The following SYNE1 variants were observed in gnomAD, a reference collection of about 807,000 sequenced individuals.
SYNE1 encodes nesprin-1.
In SYNE1, 616 loss-of-function variants were observed where a neutral mutation model predicts 1,111.0. That is an observed-to-expected ratio of 0.55 (90% CI 0.52 to 0.59). The LOEUF (loss-of-function observed/expected upper bound fraction) is 0.59, where lower values mean the gene tolerates loss of function less well. Among genes scored for constraint, SYNE1 ranks in the 20% least tolerant of loss-of-function variants. The pLI is 0.00. For missense variants in SYNE1, 10,006 were observed against 10,417.0 expected (o/e 0.96, Z 1.72); for synonymous variants, 3,855 against 3,825.8 (o/e 1.01, Z -0.28).
intron 74 of SYNE1, among the ~76,000 whole-genome samples, chr6:152,341,385 A>G (rs6940741): frequency 0.051 from 7,747 of 152,344 alleles, 205 homozygotes; most frequent in African/African-American, 0.058. Context: ...TGGAAGCAGC[A>G]TATAGAGTGT....
chr6:152,341,524 T>C (rs2154007028), intron 74 of SYNE1, among the ~76,000 whole-genome samples: 1 of 152,344 alleles, frequency 6.6e-6, no homozygotes, highest in Non-Finnish European at 1.5e-5. Context: ...CTGAACGGAA[T>C]CGAATCCATG....
chr6:152,619,832 T>C, intron 3 of SYNE1, among the ~76,000 whole-genome samples: 1 of 152,040 alleles, frequency 6.6e-6, no homozygotes, highest in South Asian at 2.1e-4. Context: ...GGGAGGCTGA[T>C]TGAGGGAGGG....
rs568726661 is a variant in SYNE1, at chr6:152,205,029, G to GT, written c.23019+1138dup. Among the ~76,000 whole-genome samples, 1,168 of 152,002 alleles carry GT rather than the reference G, an allele frequency of 7.7e-3. 6 individuals are homozygous for GT. The highest frequency in any genetic ancestry group is 0.013 in the East Asian group (68 of 5,176). Reference sequence around the variant, plus strand: ...GAAACTGTGCTGTGTGCAAATAATAGTTTTTTATAGATGTCCAGTGGCATT... The same window carrying GT: ...GAAACTGTGCTGTGTGCAAATAATAGTTTTTTTATAGATGTCCAGTGGCATT... On this transcript the variant is annotated intron_variant, in intron 126 of 145. Transcript: ENST00000367255.
rs574147522 is a variant in SYNE1, at chr6:152,148,445, G to A, written c.24643-67C>T. On this transcript the variant is annotated intron_variant, in intron 136 of 145. Transcript: ENST00000367255. This position sits in a 1 kb window ranked among gnomAD's most constrained non-coding sequence, Gnocchi z 4.1. Reference sequence around the variant, plus strand: ...GACTAGCTTCTTATCTGGGCCACCTGCCTACCATGTGGGGACAATTTTTAA... The same window carrying A: ...GACTAGCTTCTTATCTGGGCCACCTACCTACCATGTGGGGACAATTTTTAA... 7 of 1,476,186 alleles carry A rather than the reference G, an allele frequency of 4.7e-6. No individual in the cohort carries two copies. The highest frequency in any genetic ancestry group is 4.2e-5 in the African/African-American group (3 of 71,994). The allele number at this position is 1,476,186 out of a possible 1,614,324, so 91.4% of individuals were successfully genotyped here.
chr6:152,626,118 C>A (rs2099685189), intron 3 of SYNE1, among the ~76,000 whole-genome samples: 1 of 152,124 alleles, frequency 6.6e-6, no homozygotes, highest in South Asian at 2.1e-4. Context: ...AACATTAAAT[C>A]ATCCATACTC....
chr6:152,340,734 G>A (rs1168230954), intron 74 of SYNE1, among the ~76,000 whole-genome samples: 1 of 152,210 alleles, frequency 6.6e-6, no homozygotes, highest in Non-Finnish European at 1.5e-5. Flanking sequence ...ATTTAAGTGT[G>A]ATGGGAAAAT....
chr6:152,345,257 A>G (rs2096610173), intron 73 of SYNE1, among the ~76,000 whole-genome samples: 1 of 152,230 alleles, frequency 6.6e-6, no homozygotes, highest in Non-Finnish European at 1.5e-5. Context: ...TATCCCTAAT[A>G]CAAAGAAAAT....
In SYNE1 at chr6:152,352,058, T is replaced by C; in HGVS notation, c.11549A>G (p.Tyr3850Cys). The C allele has an allele frequency of 6.2e-7, 1 of 1,614,220 alleles. No individual in the cohort carries two copies. The highest frequency in any genetic ancestry group is 1.1e-5 in the South Asian group (1 of 91,078). ...TTTAGATAACTGAGCTTTTTTCTCA[T>C]ATAATTCCATTTTGGGTTCTTCAGG... ...HVPEEPKMEL[Y>C]EKKAQLSKYK... is the part of the protein sequence containing the mutation. Residue 3850 changes from tyrosine (Y) to cysteine (C), a missense_variant, in exon 70 of 146, where the codon TAT becomes TGT. Physicochemically the swap from Tyr to Cys is radical, Grantham distance 194 (BLOSUM62 -2). Around this residue, in one of 7 missense-constraint regions of SYNE1, gnomAD observed 4,955 missense variants for 5,017.2 expected, o/e 0.99. Coordinates refer to ENST00000367255, the MANE Select transcript of SYNE1 (RefSeq NM_182961.4).
At chr6:152,333,616 G>A (rs1384885013) in intron 77 of SYNE1, among the ~76,000 whole-genome samples, 1 of 152,036 alleles carries the variant, frequency 6.6e-6, no homozygotes, top group African/African-American at 2.4e-5. Context: ...ATAAACAATA[G>A]ATGTTATACC....
chr6:152,293,533 T>A, intron 95 of SYNE1, 55 bp downstream of exon 95: 1 of 1,605,074 alleles, frequency 6.2e-7, no homozygotes, highest in Non-Finnish European at 8.5e-7. Flanking sequence ...GGCCAACCAG[T>A]CACAACAGTG....
chr6:152,300,577 A>G, intron 93 of SYNE1, 64 bp downstream of exon 93: 1 of 1,609,220 alleles, frequency 6.2e-7, no homozygotes, highest in Non-Finnish European at 8.5e-7. Flanking sequence ...TCTAATGGAA[A>G]CAGAGAATGG....
chr6:152,212,595 A>C (rs966551676), intron 123 of SYNE1, among the ~76,000 whole-genome samples: 1 of 152,162 alleles, frequency 6.6e-6, no homozygotes, highest in Non-Finnish European at 1.5e-5. Flanking sequence ...TAATGTACTT[A>C]CACAAGTTTT....
intron 55 of SYNE1, among the ~76,000 whole-genome samples, chr6:152,381,762 C>T (rs548169071): frequency 2.8e-4 from 42 of 152,212 alleles, no homozygotes; most frequent in African/African-American, 8.9e-4. Flanking sequence ...GTTCTGCTCA[C>T]GGTCTCTATA....
At position 152,325,116 on chromosome 6, in the gene SYNE1, C is replaced by T; in HGVS notation, c.15625G>A (p.Ala5209Thr). ...TTAAAGCCCGTCCACTCATCCACTG[C>T]ATCTTCCAGGATCTTCTCCTGGTCC... ...AQDQEKILEDAVDEWTGFNNK... is the reference protein window; with the variant it reads ...AQDQEKILEDTVDEWTGFNNK... Residue 5209 changes from alanine to threonine, a missense_variant, in exon 81 of 146, where the codon GCA becomes ACA. By Grantham distance (58) the Ala-to-Thr change is moderately conservative. This residue lies in a region of SYNE1 where 4,955 missense variants were observed against 5,017.2 expected (regional missense o/e 0.99). Coordinates refer to ENST00000367255, the MANE Select transcript of SYNE1 (RefSeq NM_182961.4). 6.2e-7 allele frequency: 1 copy of T among 1,614,218 alleles called. No homozygotes were observed. The highest frequency in any genetic ancestry group is 1.1e-5 in the South Asian group (1 of 91,082).
chr6:152,312,093 CT>C (rs1219381059), intron 87 of SYNE1, among the ~76,000 whole-genome samples: 2 of 151,922 alleles, frequency 1.3e-5, no homozygotes. Flanking sequence ...CGGCGATAGA[CT>C]TTTTTTAATG....
chr6:152,522,847 C>A (rs537740416), intron 5 of SYNE1, among the ~76,000 whole-genome samples: 3 of 151,824 alleles, frequency 2.0e-5, no homozygotes, highest in South Asian at 4.2e-4. Context: ...TTATTTGTAT[C>A]TTGTTTTGAG....
chr6:152,387,496 A>T, intron 53 of SYNE1, 115 bp from the exon 54 acceptor site: 1 of 1,101,392 alleles, frequency 9.1e-7, no homozygotes, highest in Non-Finnish European at 1.3e-6. Context: ...ACTGGAAGTG[A>T]TGAAAATGTT....
intron 73 of SYNE1, among the ~76,000 whole-genome samples, chr6:152,344,868 C>T (rs1374409378): frequency 6.6e-6 from 1 of 151,952 alleles, no homozygotes; most frequent in Non-Finnish European, 1.5e-5. Flanking sequence ...ATCCATAAGA[C>T]ATATTAAGAA....
At chr6:152,635,411 T>C (rs1483614912) in intron 2 of SYNE1, among the ~76,000 whole-genome samples, 1 of 152,146 alleles carries the variant, frequency 6.6e-6, no homozygotes, top group East Asian at 1.9e-4. Context: ...CACAAAGTAA[T>C]GAACAGAAAA....
Sources: allele counts gnomAD v4.1 joint callset (sites outside exome capture counted in the v4.1 genomes callset), GRCh38; gene constraint gnomAD v4.1.1; regional missense constraint gnomAD v4.1.1; non-coding constraint Gnocchi (gnomAD v3.1); transcripts MANE v1.5; gene names NCBI Gene and HGNC (gene_info 2026-07-23, HGNC 2026-07-21).